Variants in KSR2 observed in about 807,000 individuals in gnomAD.
KSR2 encodes kinase suppressor of ras 2.
KSR2 carries 25 observed loss-of-function variants against 107.8 expected under a neutral mutation model. The observed-to-expected ratio is 0.23, with a 90% CI of 0.17 to 0.32. KSR2 has a LOEUF of 0.32. Among genes scored for constraint, KSR2 ranks in the 10% least tolerant of loss-of-function variants. KSR2 has a pLI of 1.00. For synonymous variants in KSR2, 480 were observed against 507.0 expected (o/e 0.95, Z 0.71); for missense variants, 887 against 1,268.9 (o/e 0.70, Z 4.57).
intron 5 of KSR2, among the ~76,000 whole-genome samples, chr12:117,654,701 A>C (rs1161060512): frequency 6.6e-6 from 1 of 152,328 alleles, no homozygotes. Flanking sequence ...GTGACAAAGA[A>C]ATTTGGGGAA....
At chr12:117,667,181 T>G (rs554751200) in intron 5 of KSR2, among the ~76,000 whole-genome samples, 2 of 152,234 alleles carry the variant, frequency 1.3e-5, no homozygotes, top group Admixed American at 1.3e-4. Context: ...CTTTTCTCTA[T>G]CTTTCCTTCA....
At chr12:117,679,883 C>A (rs1885296924) in intron 4 of KSR2, among the ~76,000 whole-genome samples, 1 of 152,178 alleles carries the variant, frequency 6.6e-6, no homozygotes, top group South Asian at 2.1e-4. Context: ...TTTCCTTGGA[C>A]CACAGTCATG....
chr12:117,679,583 G>A (rs1234035226), intron 4 of KSR2, among the ~76,000 whole-genome samples: 2 of 152,194 alleles, frequency 1.3e-5, no homozygotes, highest in African/African-American at 4.8e-5. Context: ...CCTGCTATAA[G>A]GGTACGGGTG....
intron 5 of KSR2, among the ~76,000 whole-genome samples, chr12:117,591,002 C>G (rs1043476348): frequency 6.6e-6 from 1 of 152,192 alleles, no homozygotes; most frequent in African/African-American, 2.4e-5. Context: ...CGTATAACCA[C>G]TTTGTGTCAC....
At chr12:117,574,595 C>T (rs141778719) in intron 7 of KSR2, among the ~76,000 whole-genome samples, 37 of 152,238 alleles carry the variant, frequency 2.4e-4, no homozygotes, top group African/African-American at 6.3e-4. Context: ...CAGGAAATGG[C>T]CACCATGATT....
At chr12:117,713,854 A>G (rs982751905) in intron 4 of KSR2, among the ~76,000 whole-genome samples, 10 of 152,012 alleles carry the variant, frequency 6.6e-5, no homozygotes, top group African/African-American at 2.2e-4. Context: ...GGCTGAGTCA[A>G]TTTCAACAGC....
chr12:117,779,215 C>A (rs1301980225), intron 3 of KSR2, among the ~76,000 whole-genome samples: 1 of 152,168 alleles, frequency 6.6e-6, no homozygotes, highest in African/African-American at 2.4e-5. Context: ...GTCTATCAAC[C>A]TTTTTAACTC....
At chr12:117,575,739 G>A (rs958327722) in intron 7 of KSR2, among the ~76,000 whole-genome samples, 1 of 152,154 alleles carries the variant, frequency 6.6e-6, no homozygotes, top group African/African-American at 2.4e-5. Flanking sequence ...TGAATTTTTG[G>A]TTTTGAATTT....
At chr12:117,651,389 G>A (rs538024762) in intron 5 of KSR2, among the ~76,000 whole-genome samples, 4 of 152,284 alleles carry the variant, frequency 2.6e-5, no homozygotes, top group East Asian at 3.9e-4. Context: ...ATGAGGAGGT[G>A]CACTACACTC....
At chr12:117,472,076 T>C (rs1871495214) in intron 17 of KSR2, among the ~76,000 whole-genome samples, 1 of 152,176 alleles carries the variant, frequency 6.6e-6, no homozygotes, top group Non-Finnish European at 1.5e-5. Flanking sequence ...ATTCTATTTA[T>C]ACTAGTAGTA....
At chr12:117,922,065 C>T (rs181736361) in intron 1 of KSR2, among the ~76,000 whole-genome samples, 1 of 152,268 alleles carries the variant, frequency 6.6e-6, no homozygotes, top group East Asian at 1.9e-4. Context: ...AGTCCCCAGA[C>T]AGAAGCCAGG....
chr12:117,714,365 G>A (rs939628537), intron 4 of KSR2, among the ~76,000 whole-genome samples: 6 of 152,086 alleles, frequency 3.9e-5, no homozygotes, highest in Admixed American at 1.3e-4. Flanking sequence ...AAAAACCTTG[G>A]GGAAGATTGC....
intron 1 of KSR2, among the ~76,000 whole-genome samples, chr12:117,898,061 C>A (rs1239351142): frequency 6.6e-6 from 1 of 152,104 alleles, no homozygotes; most frequent in East Asian, 1.9e-4. Context: ...TTCCTGTGAA[C>A]GCGTCCAGCC....
chr12:117,610,665 G>T (rs780880254), intron 5 of KSR2, among the ~76,000 whole-genome samples: 2 of 151,408 alleles, frequency 1.3e-5, no homozygotes, highest in African/African-American at 2.4e-5. Context: ...ATTGAGCCCA[G>T]GAGGTCAAGG....
chr12:117,780,601 C>T (rs1889849240), intron 3 of KSR2, among the ~76,000 whole-genome samples: 1 of 152,140 alleles, frequency 6.6e-6, no homozygotes, highest in Non-Finnish European at 1.5e-5. Flanking sequence ...TATGAAAAAG[C>T]TCTGAAGATG....
At chr12:117,469,139 G>A (rs1036159230) in intron 19 of KSR2, among the ~76,000 whole-genome samples, 22 of 152,190 alleles carry the variant, frequency 1.4e-4, no homozygotes, top group Non-Finnish European at 3.1e-4. Context: ...GAAACAAGGG[G>A]GAGGAGCATG....
chr12:117,900,249 C>A (rs1894641726), intron 1 of KSR2, among the ~76,000 whole-genome samples: 1 of 152,188 alleles, frequency 6.6e-6, no homozygotes, highest in Non-Finnish European at 1.5e-5. Flanking sequence ...CAATACCCAA[C>A]AAAGAGGCTA....
intron 5 of KSR2, among the ~76,000 whole-genome samples, chr12:117,583,874 C>G (rs1400113539): frequency 6.6e-6 from 1 of 152,196 alleles, no homozygotes; most frequent in Non-Finnish European, 1.5e-5. Flanking sequence ...AGCCAGCTCC[C>G]TGTTTTTGGA....
At chr12:117,845,273 A>G (rs75766312) in intron 3 of KSR2, among the ~76,000 whole-genome samples, 3,154 of 152,300 alleles carry the variant, frequency 0.021, 105 homozygotes, top group African/African-American at 0.071. Context: ...TGCAGGTCTG[A>G]GACACAGACC....
Sources: gnomAD v4.1 joint callset for allele counts (sites outside exome capture counted in the v4.1 genomes callset) on GRCh38, gnomAD v4.1.1 for gene constraint, MANE v1.5 for transcripts, NCBI Gene and HGNC (gene_info 2026-07-23, HGNC 2026-07-21) for gene names.